The following ZNF749 variants were observed in gnomAD, a reference collection of about 807,000 sequenced individuals.
ZNF749 encodes zinc finger protein 749.
Under a neutral mutation model 7.3 loss-of-function variants are expected in ZNF749, and 8 were observed. The observed-to-expected ratio is 1.10, with a 90% CI of 0.64 to 1.98. The LOEUF (loss-of-function observed/expected upper bound fraction) is 1.98. Among genes scored for constraint, ZNF749 ranks in the 30% most tolerant of loss-of-function variants. ZNF749 has a pLI of 0.00. For missense variants in ZNF749, 898 were observed against 932.4 expected (o/e 0.96, Z 0.48); for synonymous variants, 310 against 322.4 (o/e 0.96, Z 0.41).
In ZNF749 at chr19:57,444,086, T is replaced by A; in HGVS notation, c.938T>A (p.Leu313Gln). The change falls in exon 3 of 3, where the codon CTG (leucine) becomes CAG (glutamine). Residue 313 changes from leucine to glutamine, a missense_variant. Physicochemically the swap from Leu to Gln is moderately radical, Grantham distance 113. Transcript: ENST00000334181. Reference sequence around the variant, plus strand: ...AAGGCCTTTCTTACACAGGCTCATCTGGTTGGTCACCAGAAAACCCATACT... The same window carrying A: ...AAGGCCTTTCTTACACAGGCTCATCAGGTTGGTCACCAGAAAACCCATACT... Reference protein sequence around the residue: ...CGKAFLTQAHLVGHQKTHTGE... With the variant: ...CGKAFLTQAHQVGHQKTHTGE... 6.2e-7 allele frequency: 1 copy of A among 1,614,092 alleles called. No homozygotes were observed. The highest frequency in any genetic ancestry group is 8.5e-7 in the Non-Finnish European group (1 of 1,179,964).
Position 57,445,545 on chromosome 19 carries a change from A to AT in ZNF749, c.*61dup, listed in dbSNP as rs1396030891. The AT allele has an allele frequency of 1.1e-5, 17 of 1,537,064 alleles. No individual in the cohort carries two copies. The East Asian group carries it at 3.8e-4, about 35-fold the overall frequency. ...CCTCATTCAGCACCAAAAGGTTCAC[A>AT]TCGGACCAAGAACCTATTAATATAT... On this transcript the variant is annotated 3_prime_UTR_variant, in exon 3 of 3. Coordinates refer to ENST00000334181, the MANE Select transcript of ZNF749 (RefSeq NM_001023561.4).
chr19:57,438,392 A>G (rs1568544084), intron 1 of ZNF749: 2 of 276,658 alleles, frequency 7.2e-6, no homozygotes, highest in Non-Finnish European at 6.6e-6. Context: ...GTGGAAGCTC[A>G]GGGGCTGCCT....
At chr19:57,428,658 C>T in the ZNF749 span, 1 of 152,068 alleles carries the variant, frequency 6.6e-6, no homozygotes, top group African/African-American at 2.4e-5. Context: ...CACCTGTTAT[C>T]TACCAGGAAT....
At chr19:57,434,180 C>T (rs1568542581), upstream of ZNF749, among the ~76,000 whole-genome samples, 1 of 152,178 alleles carries the variant, frequency 6.6e-6, no homozygotes, top group African/African-American at 2.4e-5. Context: ...TCACCGTAAC[C>T]TCCGCCTCCC....
chr19:57,434,897 A>G (rs1482678234), upstream of ZNF749, among the ~76,000 whole-genome samples: 1 of 152,206 alleles, frequency 6.6e-6, no homozygotes. Context: ...ATGGAGGACC[A>G]GTTCATTATG....
chr19:57,440,971 C>T (rs981404661), intron 1 of ZNF749, among the ~76,000 whole-genome samples: 2 of 151,838 alleles, frequency 1.3e-5, no homozygotes, highest in Admixed American at 1.3e-4. Context: ...ACTAAAAATA[C>T]AAAAATTAGC....
At chr19:57,440,955 G>T (rs1464159099) in intron 1 of ZNF749, among the ~76,000 whole-genome samples, 1 of 151,778 alleles carries the variant, frequency 6.6e-6, no homozygotes, top group Non-Finnish European at 1.5e-5. Context: ...GGGAAACCCC[G>T]TCTCTACTAA....
In ZNF749 at chr19:57,439,893, A is replaced by C. The variant is rs895230819; in HGVS notation, c.16-1992A>C. Reference sequence around the variant, plus strand: ...TGTTCAGGAAGGAGACATCCACTACATGATAGCTGAACTGTTGTGAAACTG... The same window carrying C: ...TGTTCAGGAAGGAGACATCCACTACCTGATAGCTGAACTGTTGTGAAACTG... On this transcript the variant is annotated intron_variant, in intron 1 of 2. Transcript: ENST00000334181. The surrounding 1 kb of genome is among the most constrained non-coding windows in gnomAD (Gnocchi z 4.3). Among the ~76,000 whole-genome samples the C allele has an allele frequency of 2.0e-5, 3 of 152,232 alleles. No homozygotes were observed. The highest frequency in any genetic ancestry group is 2.9e-5 in the Non-Finnish European group (2 of 68,048).
At chr19:57,428,865 A>G in the ZNF749 span, among the ~76,000 whole-genome samples, 1 of 152,214 alleles carries the variant, frequency 6.6e-6, no homozygotes, top group Non-Finnish European at 1.5e-5. Flanking sequence ...TACAAGTAGA[A>G]TCATACAAAT....
intron 1 of ZNF749, among the ~76,000 whole-genome samples, chr19:57,437,817 A>G (rs905821462): frequency 7.9e-5 from 12 of 152,184 alleles, no homozygotes; most frequent in African/African-American, 2.9e-4. Context: ...TCCTATAGAA[A>G]GTAATGCTTA....
At position 57,444,498 on chromosome 19, in the gene ZNF749, G is replaced by C; in HGVS notation, c.1350G>C (p.Lys450Asn). Reference protein sequence around the residue: ...CTECEKAFVRKSHLVQHQKIH... With the variant: ...CTECEKAFVRNSHLVQHQKIH... ...AATGTGAGAAGGCCTTTGTTAGAAA[G>C]TCCCACCTAGTTCAGCACCAGAAAA... Residue 450 changes from lysine to asparagine, a missense_variant, in exon 3 of 3, where the codon AAG becomes AAC. Coordinates refer to ENST00000334181, the MANE Select transcript of ZNF749 (RefSeq NM_001023561.4). 1 of 1,613,978 alleles carries C rather than the reference G, an allele frequency of 6.2e-7. No homozygotes were observed. The highest frequency in any genetic ancestry group is 8.5e-7 in the Non-Finnish European group (1 of 1,179,894).
chr19:57,445,580 A>G lies in ZNF749; in HGVS notation c.*95A>G. 6.0e-6 allele frequency: 9 copies of G among 1,496,680 alleles called. No individual in the cohort carries two copies. Among genetic ancestry groups the G allele is most frequent in the Non-Finnish European group, 8.0e-6 (9 of 1,124,612 alleles). The allele number at this position is 1,496,680 out of a possible 1,614,324, so 92.7% of individuals were successfully genotyped here. A position where few individuals can be genotyped will look rare whatever the true frequency, so the allele number is the denominator to read the frequency against. On this transcript the variant is annotated 3_prime_UTR_variant, in exon 3 of 3. Coordinates refer to ENST00000334181, the MANE Select transcript of ZNF749 (RefSeq NM_001023561.4). The stretch of plus-strand genomic sequence containing the variant: ...GAACCTATTAATATATGTAAATCTA[A>G]TGTTGAAAGAGTTCAGATGGAAATC...
At position 57,444,009 on chromosome 19, in the gene ZNF749, A is replaced by G; in HGVS notation, c.861A>G (p.Glu287=). The G allele has an allele frequency of 1.2e-6, 2 of 1,613,964 alleles. No individual in the cohort carries two copies. The change falls in exon 3 of 3, where the codon GAA becomes GAG. Residue 287 remains glutamate, a synonymous_variant. Coordinates refer to ENST00000334181, the MANE Select transcript of ZNF749 (RefSeq NM_001023561.4). ...GFLSKRSDPI[E]HQEILSRPTP... ...TTTCAAAAAGGTCTGACCCCATTGA[A>G]CATCAGGAGATTCTCAGTAGACCAA... is the stretch of plus-strand genomic sequence containing the variant.
At position 57,444,211 on chromosome 19, in the gene ZNF749, G is replaced by C. The variant is rs765172042; in HGVS notation, c.1063G>C (p.Glu355Gln). Residue 355 changes from glutamate to glutamine, a missense_variant, in exon 3 of 3, where the codon GAG (glutamate) becomes CAG (glutamine). Physicochemically the swap from Glu to Gln is conservative, Grantham distance 29 (BLOSUM62 2). Coordinates refer to ENST00000334181, the MANE Select transcript of ZNF749 (RefSeq NM_001023561.4). Reference protein sequence around the residue: ...QKVHTGERRYECSECGKLFMD... With the variant: ...QKVHTGERRYQCSECGKLFMD... ...AGTTCACACTGGGGAGAGGCGTTACGAGTGCAGTGAATGTGGGAAATTGTT... is the reference window on the plus strand; with the variant it reads ...AGTTCACACTGGGGAGAGGCGTTACCAGTGCAGTGAATGTGGGAAATTGTT... The C allele has an allele frequency of 1.2e-6, 2 of 1,614,122 alleles. No individual in the cohort carries two copies. The highest frequency in any genetic ancestry group is 1.7e-6 in the Non-Finnish European group (2 of 1,180,032).
At chr19:57,441,815 G>C (rs1372796763) in intron 1 of ZNF749, 70 bp from the exon 2 acceptor site, 1 of 1,583,716 alleles carries the variant, frequency 6.3e-7, no homozygotes, top group Non-Finnish European at 8.6e-7. Flanking sequence ...ATTTTAAGTA[G>C]ATAAATACAG....
Position 57,435,445 on chromosome 19 carries a change from C to A in ZNF749, c.-134C>A. The A allele has an allele frequency of 7.5e-7, 1 of 1,330,126 alleles. No homozygotes were observed. The highest frequency in any genetic ancestry group is 1.0e-6 in the Non-Finnish European group (1 of 958,596). The allele number at this position is 1,330,126 out of a possible 1,614,324, so 82.4% of individuals were successfully genotyped here. On this transcript the variant is annotated 5_prime_UTR_variant, in exon 1 of 3. Transcript: ENST00000334181. ...TGAAAGAGCGGAAAAACGCGAGAAG[C>A]GGTGTTCCTTCTACACAGAGGCTAG...
At chr19:57,434,624 TG>T (rs1375321047), upstream of ZNF749, among the ~76,000 whole-genome samples, 2 of 152,224 alleles carry the variant, frequency 1.3e-5, no homozygotes, top group African/African-American at 4.8e-5. Flanking sequence ...TGGGCCACCC[TG>T]GGCATATGTT....
In ZNF749 at chr19:57,436,644, A is replaced by C. The variant is rs1258281411; in HGVS notation, c.15+1051A>C. Among the ~76,000 whole-genome samples, 1 of 152,246 alleles carries C rather than the reference A, an allele frequency of 6.6e-6. No individual in the cohort carries two copies. The highest frequency in any genetic ancestry group is 2.4e-5 in the African/African-American group (1 of 41,466). ...ACTCTTTAGGGAACAAGATAAGGCC[A>C]TGCAGCAACTGGGTCCAAAACTGGG... On this transcript the variant is annotated intron_variant, in intron 1 of 2. Coordinates refer to ENST00000334181, the MANE Select transcript of ZNF749 (RefSeq NM_001023561.4). This position sits in a 1 kb window ranked among gnomAD's most constrained non-coding sequence, Gnocchi z 4.0.
chr19:57,435,675 CCTTGTGT>C (rs1422793231), intron 1 of ZNF749, 82 bp downstream of exon 1: 8 of 1,547,166 alleles, frequency 5.2e-6, no homozygotes, highest in Non-Finnish European at 7.0e-6. Flanking sequence ...CAGGTTAGGC[CCTTGTGT>C]CTCTAAGAGA....
Sources: allele counts gnomAD v4.1 joint callset (sites outside exome capture counted in the v4.1 genomes callset), GRCh38; gene constraint gnomAD v4.1.1; non-coding constraint Gnocchi (gnomAD v3.1); transcripts MANE v1.5; gene names NCBI Gene and HGNC (gene_info 2026-07-23, HGNC 2026-07-21).